BCAS1: variants seen among roughly 807,000 people sequenced by gnomAD.
BCAS1 encodes the protein brain enriched myelin associated protein 1.
BCAS1 carries 46 observed loss-of-function variants against 65.4 expected under a neutral mutation model. That is an observed-to-expected ratio of 0.70 (90% CI 0.55 to 0.90). The LOEUF is 0.90. BCAS1 is among the 40% of genes least tolerant of loss of function. The pLI is 0.00. For missense variants in BCAS1, 793 were observed against 771.2 expected, an observed-to-expected ratio of 1.03 and a Z score of -0.33; for synonymous variants, 298 against 293.5, an observed-to-expected ratio of 1.02 and a Z score of -0.16.
intron 6 of BCAS1, among the ~76,000 whole-genome samples, chr20:53,993,083 T>G (rs2090806076): frequency 6.6e-6 from 1 of 152,224 alleles, no homozygotes; most frequent in Admixed American, 6.5e-5. Flanking sequence ...GAATGTCTTT[T>G]AGTCTCAAAT....
chr20:53,998,510 C>A (rs189564758), intron 4 of BCAS1, among the ~76,000 whole-genome samples: 158 of 152,184 alleles, frequency 1.0e-3, no homozygotes, highest in African/African-American at 3.8e-3. Flanking sequence ...GGTGGTGGGA[C>A]AAACTTGCAA....
At chr20:54,057,992 C>T in intron 3 of BCAS1, 93 bp downstream of exon 3, 1 of 970,990 alleles carries the variant, frequency 1.0e-6, no homozygotes, top group Non-Finnish European at 1.6e-6. Context: ...CGGCTTCGAC[C>T]CTTTCATTTT....
intron 4 of BCAS1, among the ~76,000 whole-genome samples, chr20:54,000,465 CA>C (rs1296997766): frequency 1.2e-4 from 19 of 152,284 alleles, no homozygotes; most frequent in African/African-American, 4.6e-4. Context: ...GGTACAATCT[CA>C]AAAATTACTA....
intron 10 of BCAS1, among the ~76,000 whole-genome samples, chr20:53,959,271 TG>T (rs1327163001): frequency 2.7e-5 from 4 of 149,516 alleles, no homozygotes; most frequent in African/African-American, 7.5e-5. Flanking sequence ...TTTTTTTTTT[TG>T]AGAGAGAGTC....
chr20:53,948,088 C>T (rs2089388860), intron 12 of BCAS1, among the ~76,000 whole-genome samples: 1 of 152,214 alleles, frequency 6.6e-6, no homozygotes, highest in African/African-American at 2.4e-5. Context: ...TGTCTAGAGC[C>T]TGGTCTCAGG....
Position 53,996,004 on chromosome 20 carries a change from GCAGTTC to G in BCAS1, c.764_769del (p.Gly255_Thr256del). The stretch of plus-strand genomic sequence containing the variant: ...TGGGTCCCCAGGGACAGAGCAATCC[GCAGTTC>G]CAAGTTCTTGTCCTTCTTTTTCCTT... On this transcript the variant is annotated inframe_deletion, in exon 5 of 13. Transcript: ENST00000688948. 3 of 1,611,092 alleles carry G rather than the reference GCAGTTC, an allele frequency of 1.9e-6. No homozygotes were observed. The highest frequency in any genetic ancestry group is 2.5e-6 in the Non-Finnish European group (3 of 1,178,344).
At chr20:54,052,737 C>T (rs1257664824) in intron 3 of BCAS1, among the ~76,000 whole-genome samples, 3 of 152,184 alleles carry the variant, frequency 2.0e-5, no homozygotes, top group Non-Finnish European at 4.4e-5. Flanking sequence ...AGGGCCCTCA[C>T]CAGACACTGA....
At chr20:53,946,505 G>GTATATATATATATATA (rs71196434) in intron 12 of BCAS1, among the ~76,000 whole-genome samples, 2 of 145,950 alleles carry the variant, frequency 1.4e-5, no homozygotes, top group East Asian at 4.0e-4. Context: ...ATTGTATACA[G>GTATATATATATATATA]TATATATATA....
chr20:54,005,799 T>C (rs2091173490), intron 4 of BCAS1, among the ~76,000 whole-genome samples: 1 of 151,794 alleles, frequency 6.6e-6, no homozygotes, highest in Non-Finnish European at 1.5e-5. Flanking sequence ...CAGGGAGGAA[T>C]GCGGGATGGT....
chr20:53,947,266 T>G (rs367768904), intron 12 of BCAS1, among the ~76,000 whole-genome samples: 12 of 152,318 alleles, frequency 7.9e-5, no homozygotes, highest in Admixed American at 1.3e-4. Context: ...TGAACAATCT[T>G]TGTCACACAG....
rs2090051922 is a variant in BCAS1, at chr20:53,967,061, A to C, written c.1330T>G (p.Ser444Ala). 1 of 1,605,688 alleles carries C rather than the reference A, an allele frequency of 6.2e-7. No homozygotes were observed. Among genetic ancestry groups the C allele is most frequent in the Admixed American group, 1.7e-5 (1 of 58,236 alleles). The part of the protein sequence containing the change: ...TGAEENVVCE[S>A]PVEIIKSKEV... ...TTGGACTTTATAATCTCTACTGGTG[A>C]CTCACACACCACCTGGATTATTTTG... Residue 444 changes from serine (S) to alanine (A), a missense_variant, in exon 10 of 13, where the codon TCA (serine) becomes GCA (alanine). Ser to Ala is a moderately conservative substitution (Grantham distance 99). Coordinates refer to ENST00000688948, the MANE Select transcript of BCAS1 (RefSeq NM_001366298.2).
rs531486354 is a variant in BCAS1 at position 53,953,343 on chromosome 20, C to G, written c.1815+89G>C. 1.3e-5 allele frequency: 19 copies of G among 1,504,148 alleles called. No individual in the cohort carries two copies. The African/African-American group carries it at 2.7e-4, about 21-fold the overall frequency. 93.2% of individuals were successfully genotyped at this position (1,504,148 alleles called of 1,614,324 possible). A position where few individuals can be genotyped will look rare whatever the true frequency, so the allele number is the denominator to read the frequency against. ...AGACCCGGGATCCCAGTGTGAAGAG[C>G]CACATGTAGAATTTGAAAAACTGAC... On this transcript the variant is annotated intron_variant, in intron 12 of 12. Transcript: ENST00000688948.
intron 11 of BCAS1, among the ~76,000 whole-genome samples, chr20:53,954,560 T>G (rs975598501): frequency 6.6e-6 from 1 of 152,236 alleles, no homozygotes; most frequent in Non-Finnish European, 1.5e-5. Context: ...ATTGTTTTAT[T>G]AGTTTGGAAT....
chr20:53,979,178 A>G (rs1471206386), intron 8 of BCAS1, among the ~76,000 whole-genome samples: 1 of 152,222 alleles, frequency 6.6e-6, no homozygotes, highest in Non-Finnish European at 1.5e-5. Context: ...ATTAGGGTAC[A>G]GTGGTCTATA....
At chr20:54,029,864 C>A (rs543356309) in intron 3 of BCAS1, among the ~76,000 whole-genome samples, 1 of 152,264 alleles carries the variant, frequency 6.6e-6, no homozygotes, top group African/African-American at 2.4e-5. Context: ...TAAGTTCATG[C>A]GCTCTCTGTC....
rs575900317 is a variant in BCAS1 at position 54,052,723 on chromosome 20, G to C, written c.142+5362C>G. On this transcript the variant is annotated intron_variant, in intron 3 of 12. Coordinates refer to ENST00000688948, the MANE Select transcript of BCAS1 (RefSeq NM_001366298.2). ...AGCAAGGCGCCATCTTGGAAGTAGA[G>C]AACAGGGCCCTCACCAGACACTGAA... Among the ~76,000 whole-genome samples, 5 of 152,268 alleles carry C rather than the reference G, an allele frequency of 3.3e-5. No homozygotes were observed. The South Asian group carries it at 1.0e-3, about 32-fold the overall frequency.
At chr20:53,982,940 G>A (rs1293587575) in intron 8 of BCAS1, among the ~76,000 whole-genome samples, 1 of 151,990 alleles carries the variant, frequency 6.6e-6, no homozygotes, top group African/African-American at 2.4e-5. Context: ...CTTCTGATTG[G>A]GTGCAAGAAG....
chr20:54,044,186 T>C (rs926540177), intron 3 of BCAS1, among the ~76,000 whole-genome samples: 1 of 152,254 alleles, frequency 6.6e-6, no homozygotes, highest in Non-Finnish European at 1.5e-5. Flanking sequence ...AGGAAAAGAA[T>C]TGAGTGCAGC....
intron 1 of BCAS1, among the ~76,000 whole-genome samples, chr20:54,062,097 T>C (rs908270166): frequency 5.3e-5 from 8 of 152,218 alleles, no homozygotes; most frequent in Admixed American, 5.2e-4. Context: ...ATGATGGCTT[T>C]CATGCTATAA....
Sources: gnomAD v4.1 joint callset for allele counts (sites outside exome capture counted in the v4.1 genomes callset) on GRCh38, gnomAD v4.1.1 for gene constraint, MANE v1.5 for transcripts, NCBI Gene and HGNC (gene_info 2026-07-23, HGNC 2026-07-21) for gene names.